LINGO2: variants seen among roughly 807,000 people sequenced by gnomAD.
LINGO2 encodes leucine rich repeat and Ig domain containing 2, also known as leucine-rich repeat and immunoglobulin-like domain-containing nogo receptor-interacting protein 2.
Under a neutral mutation model 30.6 loss-of-function variants are expected in LINGO2, and 14 were observed. The ratio of observed to expected loss-of-function variants is 0.46; its 90% CI spans 0.30 to 0.72. The LOEUF is 0.72. Ranked by LOEUF, LINGO2 falls within the 30% of genes least tolerant of loss-of-function variation. The pLI, the probability that LINGO2 is intolerant of heterozygous loss-of-function variation, is 0.07. For synonymous variants in LINGO2, 317 were observed against 288.5 expected (o/e 1.10, Z -1.00); for missense variants, 729 against 751.7 (o/e 0.97, Z 0.35).
chr9:28,354,140 CTTAAAG>C (rs1820051515), intron 3 of LINGO2, among the ~76,000 whole-genome samples: 1 of 151,348 alleles, frequency 6.6e-6, no homozygotes, highest in Non-Finnish European at 1.5e-5. Flanking sequence ...TACCCTAAAA[CTTAAAG>C]TTAATTAAAA....
chr9:28,847,952 T>C, the LINGO2 span, among the ~76,000 whole-genome samples: 1 of 77,342 alleles, frequency 1.3e-5, no homozygotes, highest in Non-Finnish European at 2.9e-5. Context: ...TGTATGCATA[T>C]ATATACACAC....
chr9:27,941,761 A>T, the LINGO2 span: 1 of 152,172 alleles, frequency 6.6e-6, no homozygotes, highest in Admixed American at 6.5e-5. Context: ...AGAGGAGTTT[A>T]AAAATTTTCA....
intron 4 of LINGO2, among the ~76,000 whole-genome samples, chr9:28,189,473 A>G (rs1419674368): frequency 3.1e-4 from 16 of 52,254 alleles, no homozygotes; most frequent in South Asian, 7.9e-4. Flanking sequence ...GGGAGGAAGG[A>G]AGGGAGGGAG....
intron 4 of LINGO2, among the ~76,000 whole-genome samples, chr9:28,100,017 A>G (rs796481971): frequency 7.9e-5 from 12 of 152,282 alleles, no homozygotes; most frequent in African/African-American, 2.9e-4. Flanking sequence ...AGCATCATGT[A>G]CTTCTGCTCT....
chr9:28,695,387 C>A, the LINGO2 span, among the ~76,000 whole-genome samples: 3 of 151,864 alleles, frequency 2.0e-5, no homozygotes, highest in Non-Finnish European at 4.4e-5. Context: ...CATATGCATT[C>A]TTGGCATAAA....
At chr9:28,495,224 G>C (rs1284148746) in intron 1 of LINGO2, among the ~76,000 whole-genome samples, 1 of 152,082 alleles carries the variant, frequency 6.6e-6, no homozygotes, top group East Asian at 1.9e-4. Context: ...AGTTTAATTA[G>C]ATCCCATTTG....
intron 4 of LINGO2, among the ~76,000 whole-genome samples, chr9:28,097,765 G>T (rs1184789517): frequency 1.3e-5 from 2 of 151,088 alleles, no homozygotes; most frequent in Non-Finnish European, 2.9e-5. Flanking sequence ...CAGCACACCC[G>T]CATGGCACAT....
the LINGO2 span, among the ~76,000 whole-genome samples, chr9:28,858,117 C>T: frequency 6.6e-6 from 1 of 151,804 alleles, no homozygotes; most frequent in Admixed American, 6.6e-5. Flanking sequence ...CAGGACCTGC[C>T]CTCTGTGGTG....
the LINGO2 span, among the ~76,000 whole-genome samples, chr9:29,154,375 G>A: frequency 1.3e-5 from 2 of 151,534 alleles, no homozygotes; most frequent in Admixed American, 6.6e-5. Context: ...GCGTGAACCC[G>A]GGAGGCGGAG....
At chr9:27,973,831 G>A (rs1820467188) in intron 5 of LINGO2, among the ~76,000 whole-genome samples, 1 of 152,210 alleles carries the variant, frequency 6.6e-6, no homozygotes, top group African/African-American at 2.4e-5. Context: ...GGTTTTTATT[G>A]TATTAGTGTT....
At chr9:28,640,520 T>C (rs1411644122) in intron 1 of LINGO2, among the ~76,000 whole-genome samples, 2 of 151,150 alleles carry the variant, frequency 1.3e-5, no homozygotes, top group Non-Finnish European at 3.0e-5. Flanking sequence ...TTGTTCTTTT[T>C]TTTTTTTTTA....
chr9:28,844,383 C>T, the LINGO2 span, among the ~76,000 whole-genome samples: 5 of 151,462 alleles, frequency 3.3e-5, 1 homozygote, highest in African/African-American at 4.9e-5. Context: ...AAAACAAAAA[C>T]GAAAAAGAAG....
At chr9:29,016,276 C>A in the LINGO2 span, among the ~76,000 whole-genome samples, 3 of 152,038 alleles carry the variant, frequency 2.0e-5, no homozygotes, top group East Asian at 1.9e-4. Context: ...TCCAAGGTAC[C>A]CCAGAGGGGA....
chr9:28,234,940 G>T (rs780256072), intron 4 of LINGO2, among the ~76,000 whole-genome samples: 1 of 152,232 alleles, frequency 6.6e-6, no homozygotes, highest in Non-Finnish European at 1.5e-5. Context: ...CAGCTAGGAT[G>T]CAAGAGAGTA....
At chr9:28,645,451 T>G (rs916815791) in intron 1 of LINGO2, among the ~76,000 whole-genome samples, 1 of 152,152 alleles carries the variant, frequency 6.6e-6, no homozygotes, top group Non-Finnish European at 1.5e-5. Context: ...GCGGAACTGT[T>G]TCTGTAAGTA....
intron 4 of LINGO2, among the ~76,000 whole-genome samples, chr9:28,016,594 A>G (rs1175784543): frequency 6.6e-6 from 1 of 151,564 alleles, no homozygotes; most frequent in Non-Finnish European, 1.5e-5. Flanking sequence ...AGAAATGGAT[A>G]AATCTCTGGA....
chr9:28,409,646 T>C (rs974436634), intron 2 of LINGO2, among the ~76,000 whole-genome samples: 25 of 151,764 alleles, frequency 1.6e-4, no homozygotes, highest in Non-Finnish European at 3.2e-4. Flanking sequence ...TGTGTGTGTG[T>C]GTGTGTGATG....
chr9:28,656,882 C>T (rs570550257), intron 1 of LINGO2, among the ~76,000 whole-genome samples: 1 of 152,130 alleles, frequency 6.6e-6, no homozygotes, highest in African/African-American at 2.4e-5. Flanking sequence ...AATAGCTTCA[C>T]CCTTGCTCTC....
exon 6 of LINGO2, chr9:27,950,431 G>A: frequency 1.9e-6 from 3 of 1,613,978 alleles, no homozygotes; most frequent in Middle Eastern, 1.7e-4. Flanking sequence ...TCCAGCAGAG[G>A]ATATGATATG....
Sources: gnomAD v4.1 joint callset for allele counts (sites outside exome capture counted in the v4.1 genomes callset) on GRCh38, gnomAD v4.1.1 for gene constraint, MANE v1.5 for transcripts, NCBI Gene and HGNC (gene_info 2026-07-23, HGNC 2026-07-21) for gene names.